The following CDK5RAP2 variants were observed in gnomAD, a reference collection of about 807,000 sequenced individuals.
The protein encoded by CDK5RAP2 is CDK5 regulatory subunit-associated protein 2.
Under a neutral mutation model 232.9 loss-of-function variants are expected in CDK5RAP2, and 147 were observed. The observed-to-expected ratio is 0.63, with a 90% CI of 0.55 to 0.72. The LOEUF (loss-of-function observed/expected upper bound fraction) is 0.72, where lower values mean the gene tolerates loss of function less well. CDK5RAP2 is among the 30% of genes least tolerant of loss of function. The pLI is 0.00. For synonymous variants in CDK5RAP2, 833 were observed against 833.7 expected (o/e 1.00, Z 0.01); for missense variants, 2,195 against 2,231.5 (o/e 0.98, Z 0.33).
intron 1 of CDK5RAP2, among the ~76,000 whole-genome samples, chr9:120,575,238 A>T (rs942425366): frequency 2.6e-5 from 4 of 152,072 alleles, no homozygotes; most frequent in African/African-American, 9.7e-5. Flanking sequence ...CTTTTAGTAG[A>T]GATGGAGATT....
intron 1 of CDK5RAP2, 27 bp from the exon 2 acceptor site, chr9:120,572,068 A>G: frequency 6.5e-7 from 1 of 1,533,314 alleles, no homozygotes; most frequent in South Asian, 1.1e-5. Context: ...GAGATAAGAG[A>G]TGAGCTAATG....
intron 5 of CDK5RAP2, among the ~76,000 whole-genome samples, chr9:120,540,432 G>A (rs1322205604): frequency 1.3e-5 from 2 of 152,152 alleles, no homozygotes; most frequent in African/African-American, 4.8e-5. Context: ...CAAGCCATGT[G>A]AATTTTTTAC....
intron 4 of CDK5RAP2, among the ~76,000 whole-genome samples, chr9:120,546,929 T>G (rs914684638): frequency 6.6e-6 from 1 of 152,140 alleles, no homozygotes; most frequent in Non-Finnish European, 1.5e-5. Flanking sequence ...TCTTTTATTT[T>G]AATAATCCAT....
Position 120,411,418 on chromosome 9 carries a change from T to G in CDK5RAP2, c.4354A>C (p.Ile1452Leu). 1.2e-6 allele frequency: 2 copies of G among 1,613,734 alleles called. No individual in the cohort carries two copies. The highest frequency in any genetic ancestry group is 1.1e-5 in the South Asian group (1 of 91,066). ...SELHSSLTSE[I>L]HFLRKQNQAL... ...TGGTTCTGCTTCCTCAAGAAATGAA[T>G]TTCTGATGTTAGAGAACTATGAAGC... Residue 1452 changes from isoleucine (I) to leucine (L), a missense_variant, in exon 29 of 38, where the codon ATT becomes CTT. By Grantham distance (5) the Ile-to-Leu change is conservative (BLOSUM62 2). Transcript: ENST00000349780.
rs1389350753 is a variant in CDK5RAP2, at chr9:120,414,124, GATA to G, written c.4297+913_4297+915del. ...CAGAATAAAATAGTAAAATAAAATTGATAATGATGATAAAGGCAACCATTTACT... is the reference window on the plus strand; with the variant it reads ...CAGAATAAAATAGTAAAATAAAATTGATGATGATAAAGGCAACCATTTACT... On this transcript the variant is annotated intron_variant, in intron 28 of 37. Transcript: ENST00000349780. Among the ~76,000 whole-genome samples, 11 of 152,198 alleles carry G rather than the reference GATA, an allele frequency of 7.2e-5. 1 individual carries two copies. Among genetic ancestry groups the G allele is most frequent in the Admixed American group, 5.2e-4 (8 of 15,284 alleles).
intron 15 of CDK5RAP2, among the ~76,000 whole-genome samples, chr9:120,472,324 T>C (rs543732686): frequency 3.7e-4 from 56 of 152,346 alleles, no homozygotes; most frequent in African/African-American, 1.1e-3. Flanking sequence ...CTATAGGCGT[T>C]AACTAGGTGA....
At chr9:120,473,474 C>T (rs1185490853) in intron 15 of CDK5RAP2, among the ~76,000 whole-genome samples, 1 of 152,188 alleles carries the variant, frequency 6.6e-6, no homozygotes, top group East Asian at 1.9e-4. Flanking sequence ...TCAAAGAAGC[C>T]CCGCTTCTCC....
chr9:120,395,397 T>C (rs77953332), intron 35 of CDK5RAP2, among the ~76,000 whole-genome samples: 2 of 152,382 alleles, frequency 1.3e-5, no homozygotes, highest in South Asian at 2.1e-4. Flanking sequence ...AAAGTATTAC[T>C]AGGAAAGTAT....
rs183054114 is a variant in CDK5RAP2, at chr9:120,439,876, A to C, written c.3245T>G (p.Leu1082Arg). 1.7e-5 allele frequency: 28 copies of C among 1,614,206 alleles called. No individual in the cohort carries two copies. The African/African-American group carries it at 3.7e-4, about 22-fold the overall frequency. ...VLSPTSVATY[L>R]SSKSQPSAKV... Reference sequence around the variant, plus strand: ...AGCAGAAGGCTGACTCTTGGAACTCAGGTAAGTAGCTACTGAAGTTGGGCT... The same window carrying C: ...AGCAGAAGGCTGACTCTTGGAACTCCGGTAAGTAGCTACTGAAGTTGGGCT... Residue 1082 changes from leucine (L) to arginine (R), a missense_variant, in exon 24 of 38, where the codon CTG becomes CGG. By Grantham distance (102) the Leu-to-Arg change is moderately radical. Transcript: ENST00000349780.
intron 25 of CDK5RAP2, among the ~76,000 whole-genome samples, chr9:120,434,083 C>A (rs1225371383): frequency 2.6e-5 from 4 of 151,956 alleles, no homozygotes; most frequent in African/African-American, 9.7e-5. Context: ...ACATAACATG[C>A]GAGATGGTTG....
In CDK5RAP2 at chr9:120,390,974, A is replaced by G. The variant is rs147328911; in HGVS notation, c.5579-1187T>C. On this transcript the variant is annotated intron_variant, in intron 36 of 37. Transcript: ENST00000349780. ...AGCAAAACGACTTTCAGAGGTGGCC[A>G]CTGCCCCTCTACCCCAACCTGACCT... Among the ~76,000 whole-genome samples, 567 of 152,246 alleles carry G rather than the reference A, an allele frequency of 3.7e-3. 2 individuals are homozygous for G. The highest frequency in any genetic ancestry group is 0.013 in the African/African-American group (538 of 41,542).
intron 11 of CDK5RAP2, among the ~76,000 whole-genome samples, chr9:120,520,429 G>C (rs1419282979): frequency 1.3e-5 from 2 of 152,192 alleles, no homozygotes; most frequent in African/African-American, 2.4e-5. Flanking sequence ...ATCACCTGAA[G>C]TCAGGAGTTC....
At chr9:120,485,979 C>G (rs1162750062) in intron 14 of CDK5RAP2, among the ~76,000 whole-genome samples, 1 of 152,228 alleles carries the variant, frequency 6.6e-6, no homozygotes, top group Non-Finnish European at 1.5e-5. Flanking sequence ...ACAGCTCCAA[C>G]TGTTCAGCCA....
chr9:120,529,459 G>A (rs1055161722), intron 8 of CDK5RAP2, among the ~76,000 whole-genome samples: 6 of 152,182 alleles, frequency 3.9e-5, no homozygotes, highest in African/African-American at 7.2e-5. Flanking sequence ...GCCTGAGCCC[G>A]TTTCTAAACG....
At chr9:120,427,487 T>C (rs191782657) in intron 25 of CDK5RAP2, among the ~76,000 whole-genome samples, 3,718 of 152,200 alleles carry the variant, frequency 0.024, 148 homozygotes, top group African/African-American at 0.084. Flanking sequence ...GGATCTGAAC[T>C]CCAGTCTGTC....
At chr9:120,575,641 T>G (rs887517326) in intron 1 of CDK5RAP2, among the ~76,000 whole-genome samples, 1 of 152,158 alleles carries the variant, frequency 6.6e-6, no homozygotes, top group African/African-American at 2.4e-5. Context: ...TCATTCTATT[T>G]TATTCTTAAT....
At chr9:120,411,089 A>G (rs751843645) in intron 29 of CDK5RAP2, among the ~76,000 whole-genome samples, 9 of 152,232 alleles carry the variant, frequency 5.9e-5, no homozygotes, top group Non-Finnish European at 1.3e-4. Flanking sequence ...ACATTTACTG[A>G]GCCCCTATTA....
intron 14 of CDK5RAP2, among the ~76,000 whole-genome samples, chr9:120,483,322 T>C (rs762139671): frequency 6.6e-6 from 1 of 152,248 alleles, no homozygotes; most frequent in Non-Finnish European, 1.5e-5. Context: ...GCCCACTTGC[T>C]AAACTAGTAC....
At chr9:120,469,386 C>T (rs1042807483) in intron 17 of CDK5RAP2, among the ~76,000 whole-genome samples, 8 of 152,206 alleles carry the variant, frequency 5.3e-5, no homozygotes, top group Admixed American at 2.0e-4. Flanking sequence ...CATACAGCAA[C>T]CTTGCACCTC....
Sources: allele counts gnomAD v4.1 joint callset (sites outside exome capture counted in the v4.1 genomes callset), GRCh38; gene constraint gnomAD v4.1.1; transcripts MANE v1.5; gene names NCBI Gene and HGNC (gene_info 2026-07-23, HGNC 2026-07-21).